Variants in SLC35F1 observed in about 807,000 individuals in gnomAD.
The protein encoded by SLC35F1 is chromosome 6 open reading frame 169.
Under a neutral mutation model 48.7 loss-of-function variants are expected in SLC35F1, and 14 were observed. That is an observed-to-expected ratio of 0.29 (90% CI 0.19 to 0.45). SLC35F1 has a LOEUF of 0.45. SLC35F1 is among the 20% of genes least tolerant of loss of function. The pLI, the probability that SLC35F1 is intolerant of heterozygous loss-of-function variation, is 1.00. For missense variants in SLC35F1, 404 were observed against 500.0 expected, an observed-to-expected ratio of 0.81 and a Z score of 1.83; for synonymous variants, 190 against 202.2, an observed-to-expected ratio of 0.94 and a Z score of 0.51.
At chr6:117,970,237 T>A (rs1158006016) in intron 1 of SLC35F1, among the ~76,000 whole-genome samples, 1 of 152,218 alleles carries the variant, frequency 6.6e-6, no homozygotes, top group Non-Finnish European at 1.5e-5. Context: ...CTATAATGCT[T>A]ACTCTTTAAC....
At position 118,120,635 on chromosome 6, in the gene SLC35F1, A is replaced by G. The variant is rs545043928; in HGVS notation, c.174-33810A>G. Among the ~76,000 whole-genome samples the G allele has an allele frequency of 9.9e-5, 15 of 152,278 alleles. No homozygotes were observed. The South Asian group carries it at 2.9e-3, about 29-fold the overall frequency. On this transcript the variant is annotated intron_variant, in intron 1 of 7. Transcript: ENST00000360388. ...ACCTTTTCTCAAGATAATTCAAAAT[A>G]ATGAACAAGGGCTCAAACCACAAAT...
chr6:117,937,885 G>A (rs1437411138), intron 1 of SLC35F1, among the ~76,000 whole-genome samples: 1 of 152,092 alleles, frequency 6.6e-6, no homozygotes, highest in Non-Finnish European at 1.5e-5. Flanking sequence ...ACCCTCCAGT[G>A]CCTGATGATC....
chr6:117,996,068 C>T (rs1368153280), intron 1 of SLC35F1, among the ~76,000 whole-genome samples: 1 of 152,126 alleles, frequency 6.6e-6, no homozygotes, highest in Non-Finnish European at 1.5e-5. Context: ...GTATCATGCA[C>T]ATTTAATTTC....
At chr6:118,282,810 A>T (rs904896543) in intron 6 of SLC35F1, among the ~76,000 whole-genome samples, 3 of 152,160 alleles carry the variant, frequency 2.0e-5, no homozygotes, top group Admixed American at 2.0e-4. Flanking sequence ...TTGAGTCTTC[A>T]CAGACCACTT....
chr6:118,089,519 T>C (rs1327009873), intron 1 of SLC35F1, among the ~76,000 whole-genome samples: 1 of 152,238 alleles, frequency 6.6e-6, no homozygotes, highest in Non-Finnish European at 1.5e-5. Context: ...TTTTGCTCAT[T>C]TTTTATGATA....
intron 2 of SLC35F1, among the ~76,000 whole-genome samples, chr6:118,169,640 C>T (rs186632851): frequency 6.6e-6 from 1 of 152,264 alleles, no homozygotes; most frequent in Non-Finnish European, 1.5e-5. Flanking sequence ...CACCTTTGAA[C>T]TGCTTTCTGT....
chr6:118,088,969 G>T (rs1263606945), intron 1 of SLC35F1, among the ~76,000 whole-genome samples: 3 of 152,178 alleles, frequency 2.0e-5, no homozygotes, highest in Non-Finnish European at 4.4e-5. Flanking sequence ...ATTAAGGAGA[G>T]ATAGATCTAC....
intron 1 of SLC35F1, among the ~76,000 whole-genome samples, chr6:117,993,596 C>G (rs1203915372): frequency 6.6e-6 from 1 of 152,040 alleles, no homozygotes; most frequent in East Asian, 1.9e-4. Flanking sequence ...CCTTTGAGAA[C>G]TTTTCTGTAT....
At chr6:118,206,078 T>G (rs1774932217) in intron 2 of SLC35F1, among the ~76,000 whole-genome samples, 1 of 152,222 alleles carries the variant, frequency 6.6e-6, no homozygotes, top group African/African-American at 2.4e-5. Context: ...GATTTCACAA[T>G]ATTGTAAATG....
intron 1 of SLC35F1, among the ~76,000 whole-genome samples, chr6:117,918,089 A>G (rs1470082599): frequency 6.6e-6 from 1 of 152,172 alleles, no homozygotes; most frequent in Admixed American, 6.5e-5. Flanking sequence ...TGTGGCAACC[A>G]CAGGGTCAGA....
intron 1 of SLC35F1, among the ~76,000 whole-genome samples, chr6:117,915,248 C>A (rs886388756): frequency 6.6e-6 from 1 of 152,106 alleles, no homozygotes; most frequent in African/African-American, 2.4e-5. Flanking sequence ...GACTCAAGTT[C>A]TCTGATTTTA....
At chr6:117,949,271 GT>G (rs1348922217) in intron 1 of SLC35F1, among the ~76,000 whole-genome samples, 2 of 152,144 alleles carry the variant, frequency 1.3e-5, no homozygotes, top group Non-Finnish European at 2.9e-5. Flanking sequence ...GTAATACGTT[GT>G]GCTTCTGATG....
At chr6:118,143,319 A>G (rs2114447002) in intron 1 of SLC35F1, among the ~76,000 whole-genome samples, 1 of 152,312 alleles carries the variant, frequency 6.6e-6, no homozygotes, top group African/African-American at 2.4e-5. Context: ...GTAAGGAAAA[A>G]TGCCAAAGTC....
In SLC35F1 at chr6:118,315,615, A is replaced by AT. The variant is rs1185751941; in HGVS notation, c.*1368dup. On this transcript the variant is annotated 3_prime_UTR_variant, in exon 8 of 8. Coordinates refer to ENST00000360388, the MANE Select transcript of SLC35F1 (RefSeq NM_001029858.4). The stretch of plus-strand genomic sequence containing the variant: ...CCACGACGCCCAGCTAATTTTTTGT[A>AT]TTTTTAGTAGAGATGGGGTTTCACC... 3 of 151,550 alleles carry AT rather than the reference A, an allele frequency of 2.0e-5. No individual in the cohort carries two copies. Among genetic ancestry groups the AT allele is most frequent in the Non-Finnish European group, 2.9e-5 (2 of 67,866 alleles). 9.4% of individuals were successfully genotyped at this position (151,550 alleles called of 1,614,324 possible).
At chr6:117,939,051 C>T (rs949243386) in intron 1 of SLC35F1, among the ~76,000 whole-genome samples, 21 of 148,334 alleles carry the variant, frequency 1.4e-4, no homozygotes, top group African/African-American at 5.2e-4. Flanking sequence ...TGCTATGTCA[C>T]CCAGGCTGGC....
At chr6:117,924,428 C>T (rs994271753) in intron 1 of SLC35F1, among the ~76,000 whole-genome samples, 16 of 114,558 alleles carry the variant, frequency 1.4e-4, no homozygotes, top group East Asian at 2.7e-4. Flanking sequence ...TATACACATA[C>T]GCATAACACA....
intron 1 of SLC35F1, among the ~76,000 whole-genome samples, chr6:117,974,751 G>C (rs931924901): frequency 6.6e-6 from 1 of 152,160 alleles, no homozygotes; most frequent in African/African-American, 2.4e-5. Context: ...AAGAACAAAA[G>C]TAAGCCCATG....
At chr6:118,249,703 A>T (rs928501964) in intron 3 of SLC35F1, among the ~76,000 whole-genome samples, 3 of 152,226 alleles carry the variant, frequency 2.0e-5, no homozygotes, top group Non-Finnish European at 4.4e-5. Flanking sequence ...ATGCATAGAA[A>T]CACCAGCATC....
chr6:117,907,650 G>A lies in SLC35F1; in HGVS notation c.-77G>A. On this transcript the variant is annotated 5_prime_UTR_variant, in exon 1 of 8. Transcript: ENST00000360388. ...GCGGCCGCCCGGCCGGGTCCTCTGC[G>A]CGTTCCCGGGCCCGGAACCGGCACA... 3 of 862,418 alleles carry A rather than the reference G, an allele frequency of 3.5e-6. No homozygotes were observed. The highest frequency in any genetic ancestry group is 4.9e-6 in the Non-Finnish European group (3 of 610,162). The allele number at this position is 862,418 out of a possible 1,614,324, so 53.4% of individuals were successfully genotyped here.
Sources: allele counts gnomAD v4.1 joint callset (sites outside exome capture counted in the v4.1 genomes callset), GRCh38; gene constraint gnomAD v4.1.1; transcripts MANE v1.5; gene names NCBI Gene and HGNC (gene_info 2026-07-23, HGNC 2026-07-21).